SORBS2: variants seen among roughly 807,000 people sequenced by gnomAD.
SORBS2 encodes sorbin and SH3 domain-containing protein 2.
Under a neutral mutation model 97.7 loss-of-function variants are expected in SORBS2, and 46 were observed. The observed-to-expected ratio is 0.47, with a 90% CI of 0.37 to 0.60. SORBS2 has a LOEUF of 0.60. Ranked by LOEUF, SORBS2 falls within the 20% of genes least tolerant of loss-of-function variation. The pLI, the probability that SORBS2 is intolerant of heterozygous loss-of-function variation, is 0.00. For synonymous variants in SORBS2, 476 were observed against 473.4 expected (o/e 1.01, Z -0.07); for missense variants, 1,316 against 1,282.3 (o/e 1.03, Z -0.40).
chr4:185,843,799 G>T (rs955174639), intron 1 of SORBS2, among the ~76,000 whole-genome samples: 2 of 152,304 alleles, frequency 1.3e-5, no homozygotes, highest in East Asian at 3.9e-4. Context: ...TAGATTCAGT[G>T]CAATAAATCC....
At chr4:185,789,071 A>G (rs973369809) in intron 1 of SORBS2, among the ~76,000 whole-genome samples, 18 of 151,848 alleles carry the variant, frequency 1.2e-4, no homozygotes, top group African/African-American at 3.9e-4. Flanking sequence ...TGCGCTCTGG[A>G]CTCCAATTAT....
intron 12 of SORBS2, among the ~76,000 whole-genome samples, chr4:185,609,343 A>C (rs2096493605): frequency 6.6e-6 from 1 of 152,210 alleles, no homozygotes; most frequent in South Asian, 2.1e-4. Context: ...TTCCACTTTC[A>C]CTTTCTGTTA....
intron 1 of SORBS2, among the ~76,000 whole-genome samples, chr4:185,806,723 G>C (rs901338510): frequency 1.4e-4 from 21 of 152,166 alleles, no homozygotes; most frequent in African/African-American, 4.6e-4. Context: ...CTCCCAAAGT[G>C]CTGGGATTAC....
intron 4 of SORBS2, among the ~76,000 whole-genome samples, chr4:185,635,846 ATTATTTTATT>A (rs36222022): frequency 7.3e-5 from 11 of 150,382 alleles, no homozygotes; most frequent in South Asian, 2.1e-4. Flanking sequence ...TTCTTTTTGA[ATTATTTTATT>A]TTATTTTATT....
intron 4 of SORBS2, among the ~76,000 whole-genome samples, chr4:185,674,597 G>T (rs770642559): frequency 6.6e-6 from 1 of 152,090 alleles, no homozygotes; most frequent in African/African-American, 2.4e-5. Context: ...CATTTTTATT[G>T]AGAGTAAATG....
At chr4:185,720,428 C>T (rs941162737) in intron 2 of SORBS2, among the ~76,000 whole-genome samples, 9 of 152,206 alleles carry the variant, frequency 5.9e-5, no homozygotes, top group African/African-American at 1.4e-4. Context: ...TTGAGTGACA[C>T]GGCGGCTATT....
At chr4:185,731,431 T>C (rs1315710188) in intron 2 of SORBS2, among the ~76,000 whole-genome samples, 2 of 151,868 alleles carry the variant, frequency 1.3e-5, no homozygotes, top group African/African-American at 4.8e-5. Context: ...CACTGGCTTT[T>C]AGAAAGTGTT....
intron 1 of SORBS2, among the ~76,000 whole-genome samples, chr4:185,937,207 C>A (rs186560265): frequency 6.6e-6 from 1 of 151,410 alleles, no homozygotes; most frequent in Non-Finnish European, 1.5e-5. Context: ...GAGTGCTTCA[C>A]GAGAACTGGA....
chr4:185,711,073 G>T (rs373173963), intron 2 of SORBS2, among the ~76,000 whole-genome samples: 4 of 152,106 alleles, frequency 2.6e-5, no homozygotes, highest in Non-Finnish European at 5.9e-5. Context: ...GGATTCAAGG[G>T]ACCCTCCCAC....
chr4:185,715,153 A>G (rs78961923), intron 2 of SORBS2, among the ~76,000 whole-genome samples: 1 of 152,328 alleles, frequency 6.6e-6, no homozygotes, highest in East Asian at 1.9e-4. Flanking sequence ...CTGCTTTTGG[A>G]TAGCATGACT....
chr4:185,798,702 A>T (rs1327400073), intron 1 of SORBS2, among the ~76,000 whole-genome samples: 1 of 152,214 alleles, frequency 6.6e-6, no homozygotes, highest in Non-Finnish European at 1.5e-5. Context: ...GCTGTATGCA[A>T]CCATCAGTCC....
chr4:185,938,914 G>C (rs1285673787), intron 1 of SORBS2, among the ~76,000 whole-genome samples: 1 of 152,124 alleles, frequency 6.6e-6, no homozygotes, highest in African/African-American at 2.4e-5. Flanking sequence ...AAGCAACAAA[G>C]AAAAAGGATG....
chr4:185,731,351 G>T (rs1046144928), intron 2 of SORBS2, among the ~76,000 whole-genome samples: 1 of 152,018 alleles, frequency 6.6e-6, no homozygotes, highest in Admixed American at 6.6e-5. Context: ...AAATATCTTT[G>T]CCCTGCCATA....
chr4:185,808,353 T>A (rs1020651211), intron 1 of SORBS2, among the ~76,000 whole-genome samples: 12 of 152,194 alleles, frequency 7.9e-5, no homozygotes, highest in African/African-American at 2.7e-4. Context: ...ACAGTATTAA[T>A]TAGAACTTTT....
intron 2 of SORBS2, among the ~76,000 whole-genome samples, chr4:185,707,932 TG>T (rs1437795055): frequency 2.0e-5 from 3 of 152,184 alleles, no homozygotes; most frequent in Non-Finnish European, 4.4e-5. Context: ...AGATGAGATT[TG>T]GGTGGGGACA....
intron 4 of SORBS2, among the ~76,000 whole-genome samples, chr4:185,669,182 TG>T (rs1199910602): frequency 3.9e-5 from 6 of 152,292 alleles, no homozygotes; most frequent in African/African-American, 1.2e-4. Context: ...AAAAGTGTAT[TG>T]AGTTGGATGA....
intron 11 of SORBS2, among the ~76,000 whole-genome samples, chr4:185,613,908 A>G (rs953377031): frequency 6.6e-6 from 1 of 151,968 alleles, no homozygotes; most frequent in African/African-American, 2.4e-5. Flanking sequence ...AGAATGAGAC[A>G]AGGTTCTGCC....
chr4:185,840,835 G>A (rs1461660473), intron 1 of SORBS2, among the ~76,000 whole-genome samples: 1 of 152,130 alleles, frequency 6.6e-6, no homozygotes, highest in Non-Finnish European at 1.5e-5. Context: ...CTCACTAGGA[G>A]GGAGGCAGAC....
chr4:185,676,002 T>C (rs776874765), intron 4 of SORBS2, among the ~76,000 whole-genome samples: 2 of 152,240 alleles, frequency 1.3e-5, no homozygotes, highest in Non-Finnish European at 2.9e-5. Context: ...GGATATGTTT[T>C]GGATGATCTT....
Sources: allele counts gnomAD v4.1 joint callset (sites outside exome capture counted in the v4.1 genomes callset), GRCh38; gene constraint gnomAD v4.1.1; transcripts MANE v1.5; gene names NCBI Gene and HGNC (gene_info 2026-07-23, HGNC 2026-07-21).